Variants in SNX8 observed in about 807,000 individuals in gnomAD.
SNX8 encodes the protein sorting nexin 8.
Under a neutral mutation model 51.6 loss-of-function variants are expected in SNX8, and 25 were observed. The observed-to-expected ratio is 0.48, with a 90% CI of 0.35 to 0.68. The LOEUF is 0.68. Ranked by LOEUF, SNX8 falls within the 30% of genes least tolerant of loss-of-function variation. The pLI, the probability that SNX8 is intolerant of heterozygous loss-of-function variation, is 0.00. For missense variants in SNX8, 695 were observed against 624.0 expected (o/e 1.11, Z -1.21); for synonymous variants, 324 against 277.0 (o/e 1.17, Z -1.68).
intron 1 of SNX8, among the ~76,000 whole-genome samples, chr7:2,289,107 G>A (rs1796094507): frequency 6.6e-6 from 1 of 152,130 alleles, no homozygotes; most frequent in African/African-American, 2.4e-5. Context: ...TCAGCATCAG[G>A]CTGCGAGACC....
At chr7:2,353,912 A>G (rs1023543770) in intron 1 of SNX8, among the ~76,000 whole-genome samples, 7 of 152,184 alleles carry the variant, frequency 4.6e-5, no homozygotes, top group African/African-American at 1.7e-4. Flanking sequence ...GTTGTTTTCT[A>G]GGATGATTAA....
At chr7:2,340,726 G>A (rs1005375470) in intron 1 of SNX8, among the ~76,000 whole-genome samples, 2 of 151,328 alleles carry the variant, frequency 1.3e-5, no homozygotes, top group African/African-American at 2.4e-5. Flanking sequence ...ACACAGTGGC[G>A]TATGTGTGTA....
intron 7 of SNX8, 22 bp downstream of exon 7, chr7:2,263,208 C>A (rs1398393085): frequency 6.2e-7 from 1 of 1,613,042 alleles, no homozygotes; most frequent in Admixed American, 1.7e-5. Context: ...GAACAGGCGC[C>A]TGGGAGAACC....
intron 3 of SNX8, among the ~76,000 whole-genome samples, chr7:2,273,433 A>T (rs989571709): frequency 6.7e-6 from 1 of 150,290 alleles, no homozygotes; most frequent in Non-Finnish European, 1.5e-5. Context: ...ACAAAAAAAA[A>T]TAATTAGCCA....
At chr7:2,269,357 A>C (rs1434092336) in intron 5 of SNX8, among the ~76,000 whole-genome samples, 26 of 150,546 alleles carry the variant, frequency 1.7e-4, no homozygotes, top group South Asian at 4.2e-4. Flanking sequence ...ATCTCAAGTA[A>C]TCAGGGACAC....
intron 1 of SNX8, among the ~76,000 whole-genome samples, chr7:2,300,831 C>A (rs1176283205): frequency 6.6e-6 from 1 of 151,886 alleles, no homozygotes; most frequent in Non-Finnish European, 1.5e-5. Context: ...TTAGTAGAGA[C>A]GGGGTTTCAC....
intron 1 of SNX8, among the ~76,000 whole-genome samples, chr7:2,299,987 G>T (rs1338176842): frequency 6.6e-6 from 1 of 152,144 alleles, no homozygotes; most frequent in Non-Finnish European, 1.5e-5. Context: ...CCTTCTCCTG[G>T]CTGCCTTAAG....
intron 1 of SNX8, among the ~76,000 whole-genome samples, chr7:2,312,551 A>C (rs1344421632): frequency 1.3e-5 from 2 of 152,096 alleles, no homozygotes; most frequent in Non-Finnish European, 2.9e-5. Context: ...AAAATAACTG[A>C]AGACCCATTC....
At chr7:2,335,802 CAA>C (rs1173439746) in intron 1 of SNX8, among the ~76,000 whole-genome samples, 3 of 30,636 alleles carry the variant, frequency 9.8e-5, no homozygotes, top group African/African-American at 3.4e-4. Flanking sequence ...GACTCTGTCT[CAA>C]AAAAAAAAAA....
At chr7:2,328,012 C>T (rs114615137) in intron 1 of SNX8, among the ~76,000 whole-genome samples, 2,268 of 151,988 alleles carry the variant, frequency 0.015, 53 homozygotes, top group African/African-American at 0.052. Flanking sequence ...ACCACAGGTG[C>T]GCACCACCAT....
intron 7 of SNX8, among the ~76,000 whole-genome samples, chr7:2,262,406 T>C (rs971520182): frequency 1.3e-5 from 2 of 152,172 alleles, no homozygotes; most frequent in African/African-American, 4.8e-5. Flanking sequence ...AAACACCGTA[T>C]CTTCAAACTG....
rs139217091 is a variant in SNX8 at position 2,349,292 on chromosome 7, GC to G, written c.-66+4929del. 3.1e-3 allele frequency among the ~76,000 whole-genome samples: 474 copies of G among 151,926 alleles called. 2 individuals are homozygous for G. Among genetic ancestry groups the G allele is most frequent in the African/African-American group, 0.011 (453 of 41,452 alleles). ...AATGTACCATCTTAACCACGTTAAA[GC>G]ATATGGTATATTGGCATAAAGCATG... is the stretch of plus-strand genomic sequence containing the variant. On this transcript the variant is annotated intron_variant, in intron 1 of 5. Transcript: ENST00000435336.
intron 1 of SNX8, among the ~76,000 whole-genome samples, chr7:2,327,743 C>T (rs34355737): frequency 0.36 from 53,297 of 148,168 alleles, 10,904 homozygotes; most frequent in South Asian, 0.53. Context: ...GGGGTTTCAC[C>T]GTGTTAGCCA....
intron 3 of SNX8, among the ~76,000 whole-genome samples, chr7:2,273,455 G>T (rs1460954589): frequency 2.6e-5 from 4 of 151,556 alleles, no homozygotes; most frequent in African/African-American, 9.7e-5. Context: ...GCGTGGTGGC[G>T]GGCGCCTGTA....
chr7:2,334,103 C>G (rs1007826653), intron 1 of SNX8, among the ~76,000 whole-genome samples: 15 of 152,068 alleles, frequency 9.9e-5, no homozygotes, highest in African/African-American at 2.7e-4. Context: ...GCCTCAGTCT[C>G]TACAAATAAT....
At position 2,349,209 on chromosome 7, in the gene SNX8, C is replaced by CA. The variant is rs1243485336; in HGVS notation, c.-66+5012dup. Among the ~76,000 whole-genome samples, 682 of 93,890 alleles carry CA rather than the reference C, an allele frequency of 7.3e-3. 3 individuals carry two copies. The highest frequency in any genetic ancestry group is 9.3e-3 in the Non-Finnish European group (399 of 42,752). The allele number at this position is 93,890 out of a possible 152,430, so 61.6% of individuals were successfully genotyped here. On this transcript the variant is annotated intron_variant, in intron 1 of 5. Transcript: ENST00000435336. Reference sequence around the variant, plus strand: ...ACAGAGTGAGGCTCCGTCTCAAAAACAAAAAAAAAAAAAGTAAAAAAAATG... The same window carrying CA: ...ACAGAGTGAGGCTCCGTCTCAAAAACAAAAAAAAAAAAAAGTAAAAAAAATG...
At chr7:2,339,562 T>C (rs774062063) in intron 1 of SNX8, among the ~76,000 whole-genome samples, 4 of 152,132 alleles carry the variant, frequency 2.6e-5, no homozygotes, top group Non-Finnish European at 5.9e-5. Flanking sequence ...ATAGCAAAGA[T>C]TCAATATATC....
chr7:2,339,431 G>C (rs1428860438), intron 1 of SNX8, among the ~76,000 whole-genome samples: 1 of 150,794 alleles, frequency 6.6e-6, no homozygotes, highest in Non-Finnish European at 1.5e-5. Context: ...AGATGGTCTC[G>C]ATCTCCTGAC....
intron 1 of SNX8, chr7:2,307,693 GCT>G (rs1312361684): frequency 6.7e-6 from 1 of 148,436 alleles, no homozygotes; most frequent in African/African-American, 2.5e-5. Context: ...CGACAGCCAG[GCT>G]CTCCATGCAC....
Sources: allele counts gnomAD v4.1 joint callset (sites outside exome capture counted in the v4.1 genomes callset), GRCh38; gene constraint gnomAD v4.1.1; transcripts MANE v1.5; gene names NCBI Gene and HGNC (gene_info 2026-07-23, HGNC 2026-07-21).